GARNL3: variants seen among roughly 807,000 people sequenced by gnomAD.
GARNL3 encodes GTPase-activating Rap/Ran-GAP domain-like protein 3.
In GARNL3, 63 loss-of-function variants were observed where a neutral mutation model predicts 125.0. That is an observed-to-expected ratio of 0.50 (90% CI 0.41 to 0.62). The LOEUF is 0.62. Ranked by LOEUF, GARNL3 falls within the 20% of genes least tolerant of loss-of-function variation. The pLI, the probability that GARNL3 is intolerant of heterozygous loss-of-function variation, is 0.00. For missense variants in GARNL3, 994 were observed against 1,244.0 expected (o/e 0.80, Z 3.02); for synonymous variants, 439 against 457.5 (o/e 0.96, Z 0.52).
intron 2 of GARNL3, among the ~76,000 whole-genome samples, chr9:127,255,129 C>A (rs2063475563): frequency 1.3e-5 from 2 of 152,318 alleles, no homozygotes; most frequent in South Asian, 4.1e-4. Context: ...CACATCATGA[C>A]CTTGCAGCTT....
intron 22 of GARNL3, among the ~76,000 whole-genome samples, chr9:127,379,570 G>A (rs1239642490): frequency 6.6e-6 from 1 of 152,146 alleles, no homozygotes; most frequent in Non-Finnish European, 1.5e-5. Flanking sequence ...GTACTCACAG[G>A]CAATTATTTT....
intron 20 of GARNL3, among the ~76,000 whole-genome samples, chr9:127,356,233 C>T (rs1326835218): frequency 6.6e-6 from 1 of 152,132 alleles, no homozygotes; most frequent in Non-Finnish European, 1.5e-5. Flanking sequence ...AGAAGGCCTG[C>T]CACGAGACCA....
chr9:127,321,371 G>T (rs2065394404), intron 6 of GARNL3, among the ~76,000 whole-genome samples: 1 of 152,140 alleles, frequency 6.6e-6, no homozygotes. Flanking sequence ...CCTGCCTCAG[G>T]CTCCCAAAGG....
intron 22 of GARNL3, among the ~76,000 whole-genome samples, chr9:127,378,320 G>A (rs1352612058): frequency 1.3e-5 from 2 of 151,920 alleles, no homozygotes; most frequent in African/African-American, 4.8e-5. Flanking sequence ...TGGGCACCAT[G>A]GTCACGCCTG....
At chr9:127,231,228 G>GTTTTTTTTTTTTTTTT (rs34963289) in intron 1 of GARNL3, among the ~76,000 whole-genome samples, 3 of 100,532 alleles carry the variant, frequency 3.0e-5, no homozygotes, top group Non-Finnish European at 5.6e-5. Context: ...CTAATTTTTT[G>GTTTTTTTTTTTTTTTT]TTTTTTTTTT....
intron 2 of GARNL3, among the ~76,000 whole-genome samples, chr9:127,304,726 A>C (rs2064900525): frequency 6.6e-6 from 1 of 151,900 alleles, no homozygotes; most frequent in African/African-American, 2.4e-5. Flanking sequence ...TTGTAGAGAC[A>C]GGGTTTAGCT....
At chr9:127,248,903 G>A (rs867294751) in intron 2 of GARNL3, among the ~76,000 whole-genome samples, 78 of 151,984 alleles carry the variant, frequency 5.1e-4, no homozygotes, top group African/African-American at 1.8e-3. Context: ...GAGCCACCAC[G>A]CCTGGCCAGT....
chr9:127,376,385 A>AT (rs1393492601), intron 22 of GARNL3, among the ~76,000 whole-genome samples: 5 of 151,374 alleles, frequency 3.3e-5, no homozygotes, highest in Non-Finnish European at 5.9e-5. Flanking sequence ...TGCCCGGCTA[A>AT]TTTTTTGTAT....
intron 2 of GARNL3, among the ~76,000 whole-genome samples, chr9:127,292,744 C>T (rs913396863): frequency 6.6e-6 from 1 of 152,224 alleles, no homozygotes; most frequent in Non-Finnish European, 1.5e-5. Flanking sequence ...ACACTGCTCA[C>T]CTGGCCCTGC....
intron 13 of GARNL3, among the ~76,000 whole-genome samples, chr9:127,341,549 A>C (rs1325425485): frequency 6.6e-6 from 1 of 152,270 alleles, no homozygotes; most frequent in African/African-American, 2.4e-5. Flanking sequence ...GATCTGAAAC[A>C]GAGTCAGCAA....
intron 1 of GARNL3, among the ~76,000 whole-genome samples, chr9:127,281,409 C>G (rs935644971): frequency 1.3e-5 from 2 of 152,124 alleles, no homozygotes; most frequent in Non-Finnish European, 2.9e-5. Context: ...GAGTCCAGAT[C>G]CAGGGCCTTG....
intron 2 of GARNL3, among the ~76,000 whole-genome samples, chr9:127,254,309 C>T (rs2063457826): frequency 6.6e-6 from 1 of 151,956 alleles, no homozygotes; most frequent in East Asian, 1.9e-4. Flanking sequence ...TGAAGGATTT[C>T]TTAAGTCAGA....
chr9:127,305,953 G>A (rs374219516), intron 2 of GARNL3, among the ~76,000 whole-genome samples: 2 of 152,142 alleles, frequency 1.3e-5, no homozygotes, highest in East Asian at 3.9e-4. Flanking sequence ...TTGGTATTCA[G>A]CATGCCAGTG....
intron 6 of GARNL3, among the ~76,000 whole-genome samples, chr9:127,323,079 C>T (rs2065451904): frequency 6.6e-6 from 1 of 152,106 alleles, no homozygotes; most frequent in South Asian, 2.1e-4. Context: ...TCTCCCAAAT[C>T]TCATATATAT....
At chr9:127,365,833 A>C (rs1280979627) in intron 22 of GARNL3, among the ~76,000 whole-genome samples, 3 of 152,156 alleles carry the variant, frequency 2.0e-5, no homozygotes, top group African/African-American at 7.2e-5. Context: ...TCTTGACTCC[A>C]GCACCCACAA....
chr9:127,284,247 A>G (rs988549078), intron 1 of GARNL3, among the ~76,000 whole-genome samples: 1 of 152,102 alleles, frequency 6.6e-6, no homozygotes, highest in Non-Finnish European at 1.5e-5. Flanking sequence ...TTCATTGTGT[A>G]TGTTTTCCTA....
In GARNL3 at chr9:127,385,937, T is replaced by A. The variant is rs1045353866; in HGVS notation, c.2388+792T>A. ...TGGAAAATGTGTGTGTGTGCACATA[T>A]GTGCATATATGTATGATATGTGTAC... On this transcript the variant is annotated intron_variant, in intron 24 of 27. Coordinates refer to ENST00000373387, the MANE Select transcript of GARNL3 (RefSeq NM_032293.5). This position sits in a 1 kb window ranked among gnomAD's most constrained non-coding sequence, Gnocchi z 4.1. 2.6e-5 allele frequency among the ~76,000 whole-genome samples: 4 copies of A among 152,254 alleles called. No individual in the cohort carries two copies. In the East Asian group the frequency reaches 7.7e-4, roughly 29 times the overall value.
chr9:127,375,326 C>A (rs748945676), intron 22 of GARNL3, among the ~76,000 whole-genome samples: 2 of 151,950 alleles, frequency 1.3e-5, no homozygotes, highest in African/African-American at 2.4e-5. Flanking sequence ...ATTAGCCAGG[C>A]GCGGTGGCAG....
At chr9:127,333,380 A>G (rs1213992024) in intron 9 of GARNL3, among the ~76,000 whole-genome samples, 1 of 152,186 alleles carries the variant, frequency 6.6e-6, no homozygotes, top group Non-Finnish European at 1.5e-5. Context: ...ACTGCTCAGC[A>G]CCATCTGTGT....
Sources: allele counts gnomAD v4.1 joint callset (sites outside exome capture counted in the v4.1 genomes callset), GRCh38; gene constraint gnomAD v4.1.1; non-coding constraint Gnocchi (gnomAD v3.1); transcripts MANE v1.5; gene names NCBI Gene and HGNC (gene_info 2026-07-23, HGNC 2026-07-21).